STIL: variants seen among roughly 807,000 people sequenced by gnomAD.
STIL encodes the protein SCL-interrupting locus protein.
Under a neutral mutation model 110.1 loss-of-function variants are expected in STIL, and 55 were observed. That is an observed-to-expected ratio of 0.50 (90% CI 0.40 to 0.63). The LOEUF (loss-of-function observed/expected upper bound fraction) is 0.63. Ranked by LOEUF, STIL falls within the 20% of genes least tolerant of loss-of-function variation. The pLI is 0.00. For synonymous variants in STIL, 481 were observed against 530.0 expected (o/e 0.91, Z 1.27); for missense variants, 1,358 against 1,530.0 (o/e 0.89, Z 1.87).
At position 47,251,685 on chromosome 1, in the gene STIL, C is replaced by T. The variant is rs1644187170; in HGVS notation, c.3318G>A (p.Val1106=). 6.2e-7 allele frequency: 1 copy of T among 1,614,180 alleles called. No individual in the cohort carries two copies. The highest frequency in any genetic ancestry group is 8.5e-7 in the Non-Finnish European group (1 of 1,180,036). ...LLHINTDRST[V]GLSLISPNNM... is the part of the protein sequence containing the mutation. ...TGTTTGGTGAAATTAAACTAAGCCC[C>T]ACTGTGCTTCTGTCTGTATTAATAT... Residue 1106 remains valine, a synonymous_variant, in exon 17 of 17, where the codon GTG becomes GTA. Transcript: ENST00000371877.
At chr1:47,255,988 G>A (rs189432446) in intron 16 of STIL, among the ~76,000 whole-genome samples, 11 of 152,226 alleles carry the variant, frequency 7.2e-5, no homozygotes, top group South Asian at 2.1e-4. Context: ...GATAAAAGAC[G>A]GCTGATTTAC....
In STIL at chr1:47,301,736, A is replaced by G; in HGVS notation, c.278T>C (p.Val93Ala). ...ATCAAAGCGATCTACTGTCAATGTT[A>G]CACCTTCTTCATCTGTAGAACAAAA... Reference protein sequence around the residue: ...SLTADEDEEGVTLTVDRFDPG... With the variant: ...SLTADEDEEGATLTVDRFDPG... Residue 93 changes from valine (V) to alanine (A), a missense_variant, in exon 5 of 17, where the codon GTA (valine) becomes GCA (alanine). Coordinates refer to ENST00000371877, the MANE Select transcript of STIL (RefSeq NM_001048166.1). 1 of 1,613,918 alleles carries G rather than the reference A, an allele frequency of 6.2e-7. No homozygotes were observed. The highest frequency in any genetic ancestry group is 8.5e-7 in the Non-Finnish European group (1 of 1,179,976).
chr1:47,268,504 C>T (rs1434495339), intron 14 of STIL, among the ~76,000 whole-genome samples: 1 of 152,052 alleles, frequency 6.6e-6, no homozygotes, highest in Non-Finnish European at 1.5e-5. Flanking sequence ...CCTGTAATTC[C>T]AGCACTTTAG....
At chr1:47,297,567 T>C (rs958898330) in intron 6 of STIL, among the ~76,000 whole-genome samples, 1 of 152,126 alleles carries the variant, frequency 6.6e-6, no homozygotes, top group African/African-American at 2.4e-5. Context: ...TTAGGGTATA[T>C]AAAGGGCAAA....
intron 3 of STIL, among the ~76,000 whole-genome samples, 160 bp downstream of exon 3, chr1:47,304,729 A>G (rs1213305041): frequency 6.6e-6 from 1 of 152,262 alleles, no homozygotes; most frequent in African/African-American, 2.4e-5. Flanking sequence ...TACAAGGAAC[A>G]GATGTTAAGA....
Position 47,262,867 on chromosome 1 carries a change from C to T in STIL, c.2829+36G>A. The T allele has an allele frequency of 1.9e-6, 3 of 1,598,028 alleles. 1 individual carries two copies. The South Asian group carries it at 3.3e-5, about 18-fold the overall frequency. On this transcript the variant is annotated intron_variant, in intron 15 of 16. Transcript: ENST00000371877. Reference sequence around the variant, plus strand: ...ACTAGTATATCCTATACTAAATAACCTTCTCAAAAAGATGAAATGCTCTAC... The same window carrying T: ...ACTAGTATATCCTATACTAAATAACTTTCTCAAAAAGATGAAATGCTCTAC...
chr1:47,305,406 T>C (rs1021893528), intron 2 of STIL: 1 of 174,712 alleles, frequency 5.7e-6, no homozygotes, highest in Non-Finnish European at 1.2e-5. Context: ...ATTACAGGCA[T>C]TAGCCACTGT....
intron 12 of STIL, 36 bp from the exon 13 acceptor site, chr1:47,272,277 GAAGT>G: frequency 6.2e-7 from 1 of 1,611,984 alleles, no homozygotes; most frequent in Non-Finnish European, 8.5e-7. Flanking sequence ...AACTGACAGG[GAAGT>G]AATCAACAAA....
chr1:47,270,433 G>C (rs1244194791), intron 13 of STIL, among the ~76,000 whole-genome samples: 4 of 151,754 alleles, frequency 2.6e-5, no homozygotes, highest in Admixed American at 1.3e-4. Flanking sequence ...AAGAAGGGTG[G>C]CTCTGAAATG....
chr1:47,287,172 G>C (rs1193318596), intron 10 of STIL, among the ~76,000 whole-genome samples: 2 of 151,966 alleles, frequency 1.3e-5, no homozygotes, highest in African/African-American at 4.8e-5. Flanking sequence ...AGACCAACCT[G>C]GCCAATACAG....
At chr1:47,261,946 T>C (rs886889772) in intron 15 of STIL, among the ~76,000 whole-genome samples, 1 of 152,030 alleles carries the variant, frequency 6.6e-6, no homozygotes, top group Non-Finnish European at 1.5e-5. Flanking sequence ...ATTCTCCAAG[T>C]ATTTTCGAGG....
Position 47,310,304 on chromosome 1 carries a change from G to C in STIL, c.16C>G (p.Pro6Ala). ...GTATTCATCTGGGGCCGTGCAAAAGGATATATAGGCTCCATGATGTCTGGT... is the reference window on the plus strand; with the variant it reads ...GTATTCATCTGGGGCCGTGCAAAAGCATATATAGGCTCCATGATGTCTGGT... MEPIY[P>A]FARPQMNTRF... Residue 6 changes from proline (P) to alanine (A), a missense_variant, in exon 2 of 17, where the codon CCT (proline) becomes GCT (alanine). Pro to Ala is a conservative substitution (Grantham distance 27). Transcript: ENST00000371877. 1 of 1,613,002 alleles carries C rather than the reference G, an allele frequency of 6.2e-7. No individual in the cohort carries two copies. The highest frequency in any genetic ancestry group is 1.1e-5 in the South Asian group (1 of 91,046).
intron 8 of STIL, among the ~76,000 whole-genome samples, chr1:47,292,665 G>A (rs1645528947): frequency 6.6e-6 from 1 of 152,220 alleles, no homozygotes; most frequent in South Asian, 2.1e-4. Flanking sequence ...CCAGGAAAAG[G>A]TGATACTTGT....
rs1345289384 is a variant in STIL, at chr1:47,260,236, AT to A, written c.3080+52del. On this transcript the variant is annotated intron_variant, in intron 16 of 16. Coordinates refer to ENST00000371877, the MANE Select transcript of STIL (RefSeq NM_001048166.1). ...CAATGATGGGCAAAAATAAATAAAA[AT>A]TTTTAAAAAATAAAATTTATTCACT... 1.5e-5 allele frequency: 23 copies of A among 1,508,456 alleles called. No individual in the cohort carries two copies. The Admixed American group carries it at 2.6e-4, about 17-fold the overall frequency. 93.4% of individuals were successfully genotyped at this position (1,508,456 alleles called of 1,614,324 possible). A position where few individuals can be genotyped will look rare whatever the true frequency, so the allele number is the denominator to read the frequency against.
chr1:47,301,543 G>A lies in STIL; in HGVS notation c.453+18C>T, dbSNP rs75983191. ...ATTCTTGTGTTGAATTAACTATCAA[G>A]TTGTCAATGAATCGCACCTTTAAAG... is the stretch of plus-strand genomic sequence containing the variant. On this transcript the variant is annotated intron_variant, in intron 5 of 16. Coordinates refer to ENST00000371877, the MANE Select transcript of STIL (RefSeq NM_001048166.1). The A allele has an allele frequency of 2.3e-3, 3,754 of 1,608,462 alleles. 80 individuals carry two copies. In the African/African-American group the frequency reaches 0.043, roughly 19 times the overall value.
chr1:47,302,881 G>A (rs1645846949), intron 3 of STIL, among the ~76,000 whole-genome samples: 1 of 152,002 alleles, frequency 6.6e-6, no homozygotes, highest in South Asian at 2.1e-4. Context: ...ACAGTATACT[G>A]TAAAAAAGTT....
At chr1:47,305,349 T>C in intron 2 of STIL, 1 of 217,390 alleles carries the variant, frequency 4.6e-6, no homozygotes, top group Admixed American at 5.3e-5. Context: ...GGTCTCGAAC[T>C]CCTGACCTCA....
Position 47,300,111 on chromosome 1 carries a change from A to G in STIL, c.495T>C (p.Cys165=). Residue 165 remains cysteine (C), a synonymous_variant, in exon 6 of 17, where the codon TGT becomes TGC. Coordinates refer to ENST00000371877, the MANE Select transcript of STIL (RefSeq NM_001048166.1). ...CHICSKDSLD[C]GKLLSLRVHI... is the part of the protein sequence containing the mutation. Reference sequence around the variant, plus strand: ...GAACTCTTAGGGAAAGCAGCTTACCACAGTCCAAGGAATCTTTGCTACATA... The same window carrying G: ...GAACTCTTAGGGAAAGCAGCTTACCGCAGTCCAAGGAATCTTTGCTACATA... The G allele has an allele frequency of 3.1e-6, 5 of 1,614,146 alleles. No individual in the cohort carries two copies. Among genetic ancestry groups the G allele is most frequent in the Non-Finnish European group, 4.2e-6 (5 of 1,180,010 alleles).
chr1:47,276,600 G>A (rs192280630), intron 12 of STIL, among the ~76,000 whole-genome samples: 188 of 151,816 alleles, frequency 1.2e-3, no homozygotes, highest in African/African-American at 4.3e-3. Flanking sequence ...CTGAGGTCAG[G>A]AGTTCGAGAT....
Sources: allele counts gnomAD v4.1 joint callset (sites outside exome capture counted in the v4.1 genomes callset), GRCh38; gene constraint gnomAD v4.1.1; transcripts MANE v1.5; gene names NCBI Gene and HGNC (gene_info 2026-07-23, HGNC 2026-07-21).